ZNF608: variants seen among roughly 807,000 people sequenced by gnomAD.
The protein encoded by ZNF608 is zinc finger protein 608, also known as renal carcinoma antigen NY-REN-36.
A neutral mutation model predicts 109.0 loss-of-function variants in ZNF608; 12 were observed. The observed-to-expected ratio is 0.11, with a 90% confidence interval of 0.07 to 0.18. The LOEUF (loss-of-function observed/expected upper bound fraction) is 0.18. Ranked by LOEUF, ZNF608 falls within the 10% of genes least tolerant of loss-of-function variation. The pLI is 1.00. For synonymous variants in ZNF608, 732 were observed against 717.4 expected (o/e 1.02, Z -0.33); for missense variants, 1,707 against 1,879.3 (o/e 0.91, Z 1.70).
At chr5:124,694,240 G>T (rs977144962) in intron 3 of ZNF608, among the ~76,000 whole-genome samples, 11 of 137,454 alleles carry the variant, frequency 8.0e-5, no homozygotes, top group Non-Finnish European at 1.7e-4. Context: ...TGATCCGCCC[G>T]CCTCGGCCTC....
rs1750120447 is a variant in ZNF608 at position 124,639,162 on chromosome 5, A to G, written c.4503T>C (p.Ser1501=). 3 of 1,614,128 alleles carry G rather than the reference A, an allele frequency of 1.9e-6. No individual in the cohort carries two copies. Among genetic ancestry groups the G allele is most frequent in the Non-Finnish European group, 2.5e-6 (3 of 1,180,040 alleles). The change falls in exon 9 of 10, where the codon TCT becomes TCC. Residue 1501 remains serine, a synonymous_variant. Coordinates refer to ENST00000513986, the MANE Select transcript of ZNF608 (RefSeq NM_020747.3). The part of the protein sequence containing the change: ...VASQQVAAQA[S]ASGMFPGQRR... Reference sequence around the variant, plus strand: ...TTTGTCCAGGAAACATTCCAGATGCAGATGCCTGGGCAGCCACCTGCTGAG... The same window carrying G: ...TTTGTCCAGGAAACATTCCAGATGCGGATGCCTGGGCAGCCACCTGCTGAG...
upstream of ZNF608, among the ~76,000 whole-genome samples, chr5:124,747,379 G>A (rs1053877942): frequency 2.0e-5 from 3 of 151,870 alleles, no homozygotes; most frequent in African/African-American, 7.3e-5. Flanking sequence ...TGATGGATTG[G>A]AAGTGGAGAG....
intron 3 of ZNF608, among the ~76,000 whole-genome samples, chr5:124,677,306 A>G (rs1449780636): frequency 6.6e-6 from 1 of 152,230 alleles, no homozygotes; most frequent in African/African-American, 2.4e-5. Flanking sequence ...AAAACATCTT[A>G]AAACACAAAG....
chr5:124,660,783 C>T (rs375676987), intron 3 of ZNF608, among the ~76,000 whole-genome samples: 5 of 152,308 alleles, frequency 3.3e-5, no homozygotes, highest in African/African-American at 1.2e-4. Context: ...ATATGTACTA[C>T]GGCGTCCTCA....
intron 3 of ZNF608, among the ~76,000 whole-genome samples, chr5:124,658,974 C>T (rs998582506): frequency 2.6e-5 from 4 of 151,962 alleles, no homozygotes; most frequent in Non-Finnish European, 5.9e-5. Context: ...TAGAAGACGG[C>T]TATTACAAGT....
At position 124,644,547 on chromosome 5, in the gene ZNF608, T is replaced by G. The variant is rs1262290829; in HGVS notation, c.3820A>C (p.Thr1274Pro). ...KKLKEDSPRK[T>P]PNKESGVPSL... is the part of the protein sequence containing the mutation. The stretch of plus-strand genomic sequence containing the variant: ...GGCACACCACTCTCTTTATTAGGAG[T>G]TTTCCTCGGACTATCCTCTTTTAAT... Residue 1274 changes from threonine to proline, a missense_variant, in exon 6 of 10, where the codon ACT (threonine) becomes CCT (proline). This residue lies in a region of ZNF608 where 1,073 missense variants were observed against 1,133.5 expected (regional missense o/e 0.95). Coordinates refer to ENST00000513986, the MANE Select transcript of ZNF608 (RefSeq NM_020747.3). The G allele has an allele frequency of 2.5e-6, 4 of 1,613,918 alleles. No homozygotes were observed. The highest frequency in any genetic ancestry group is 3.4e-6 in the Non-Finnish European group (4 of 1,179,998).
chr5:124,638,662 A>C, intron 9 of ZNF608: 1 of 196,308 alleles, frequency 5.1e-6, no homozygotes, highest in Non-Finnish European at 9.5e-6. Flanking sequence ...AATAAACATA[A>C]AGTAATGATA....
intron 8 of ZNF608, among the ~76,000 whole-genome samples, chr5:124,640,140 A>G (rs1383574232): frequency 3.3e-5 from 5 of 152,222 alleles, no homozygotes; most frequent in Non-Finnish European, 4.4e-5. Context: ...TCACATTTGT[A>G]TATCACTTCC....
Position 124,645,398 on chromosome 5 carries a change from T to A in ZNF608, c.3706-737A>T, listed in dbSNP as rs184940249. ...CCTCTGTAAGTGGGGAAACTGAGAA[T>A]CCTAAATGGCCTTTGTGATCCCCAT... is the stretch of plus-strand genomic sequence containing the variant. On this transcript the variant is annotated intron_variant, in intron 5 of 9. Transcript: ENST00000513986. Among the ~76,000 whole-genome samples the A allele has an allele frequency of 3.3e-5, 5 of 152,298 alleles. No individual in the cohort carries two copies. In the East Asian group the frequency reaches 7.7e-4, roughly 24 times the overall value.
At position 124,646,747 on chromosome 5, in the gene ZNF608, C is replaced by G; in HGVS notation, c.3637G>C (p.Val1213Leu). ...MENHQLIKEA[V>L]EMKSVMDSMK... Reference sequence around the variant, plus strand: ...GAGTCCATGACAGACTTCATTTCTACAGCCTCCTTAATAAGCTGGTGGTTT... The same window carrying G: ...GAGTCCATGACAGACTTCATTTCTAGAGCCTCCTTAATAAGCTGGTGGTTT... The change falls in exon 5 of 10, where the codon GTA becomes CTA. Residue 1213 changes from valine to leucine, a missense_variant. By Grantham distance (32) the Val-to-Leu change is conservative. Coordinates refer to ENST00000513986, the MANE Select transcript of ZNF608 (RefSeq NM_020747.3). 6.2e-7 allele frequency: 1 copy of G among 1,614,242 alleles called. No individual in the cohort carries two copies.
rs1188131178 is a variant in ZNF608, at chr5:124,637,862, G to A, written c.*38C>T. 1 of 1,601,762 alleles carries A rather than the reference G, an allele frequency of 6.2e-7. No individual in the cohort carries two copies. The highest frequency in any genetic ancestry group is 8.5e-7 in the Non-Finnish European group (1 of 1,174,472). On this transcript the variant is annotated 3_prime_UTR_variant, in exon 10 of 10. Transcript: ENST00000513986. Reference sequence around the variant, plus strand: ...ATGTCTGTATAAAGCGCTTCCCCATGTGATCCAGTCACATGACAATGTACA... The same window carrying A: ...ATGTCTGTATAAAGCGCTTCCCCATATGATCCAGTCACATGACAATGTACA...
At chr5:124,678,736 C>T (rs1752070763) in intron 3 of ZNF608, among the ~76,000 whole-genome samples, 1 of 152,164 alleles carries the variant, frequency 6.6e-6, no homozygotes, top group African/African-American at 2.4e-5. Flanking sequence ...GAGCCAAAAG[C>T]TTTCCCTCTG....
intron 3 of ZNF608, among the ~76,000 whole-genome samples, chr5:124,692,064 T>C (rs1752649997): frequency 6.6e-6 from 1 of 152,204 alleles, no homozygotes; most frequent in South Asian, 2.1e-4. Flanking sequence ...ATAAAAACCG[T>C]ATTGAGGATA....
intron 2 of ZNF608, among the ~76,000 whole-genome samples, chr5:124,704,408 T>C (rs1753175562): frequency 6.6e-6 from 1 of 152,072 alleles, no homozygotes; most frequent in East Asian, 1.9e-4. Context: ...TTTCTCCCCA[T>C]TCACTGTGAG....
rs767533980 is a variant in ZNF608, at chr5:124,744,631, G to T, written c.359C>A (p.Pro120His). The T allele has an allele frequency of 6.2e-7, 1 of 1,614,208 alleles. No individual in the cohort carries two copies. The highest frequency in any genetic ancestry group is 1.1e-5 in the South Asian group (1 of 91,082). Reference sequence around the variant, plus strand: ...GGGAATCCCATACAAGGCAGCAGAAGGCAGAGATTTATTAGCATCCTTAGA... The same window carrying T: ...GGGAATCCCATACAAGGCAGCAGAATGCAGAGATTTATTAGCATCCTTAGA... ...KTSKDANKSL[P>H]SAALYGIPEI... The change falls in exon 2 of 10, where the codon CCT (proline) becomes CAT (histidine). Residue 120 changes from proline (P) to histidine (H), a missense_variant. Pro to His is a moderately conservative substitution (Grantham distance 77). Coordinates refer to ENST00000513986, the MANE Select transcript of ZNF608 (RefSeq NM_020747.3). The surrounding 1 kb of genome is among the most constrained non-coding windows in gnomAD (Gnocchi z 4.5).
At chr5:124,732,759 C>T (rs1748964152) in intron 2 of ZNF608, among the ~76,000 whole-genome samples, 1 of 151,898 alleles carries the variant, frequency 6.6e-6, no homozygotes, top group Admixed American at 6.6e-5. Flanking sequence ...AAAGCTCTAC[C>T]CCAACCACCC....
chr5:124,644,595 C>T lies in ZNF608; in HGVS notation c.3772G>A (p.Glu1258Lys). The change falls in exon 6 of 10, where the codon GAA (glutamate) becomes AAA (lysine). Residue 1258 changes from glutamate (E) to lysine (K), a missense_variant. Around this residue, in one of 7 missense-constraint regions of ZNF608, gnomAD observed 1,073 missense variants for 1,133.5 expected, o/e 0.95. Transcript: ENST00000513986. Reference protein sequence around the residue: ...QPKYLDQQKSEELDREKKLKE... With the variant: ...QPKYLDQQKSKELDREKKLKE... ...AATTTCTTCTCTCTATCAAGTTCTT[C>T]TGACTTTTGCTGATCCAGATATTTG... 1 of 1,612,198 alleles carries T rather than the reference C, an allele frequency of 6.2e-7. No homozygotes were observed. The highest frequency in any genetic ancestry group is 8.5e-7 in the Non-Finnish European group (1 of 1,179,390).
At position 124,746,291 on chromosome 5, in the gene ZNF608, A is replaced by G. The variant is rs1749638150; in HGVS notation, c.-280T>C. Reference sequence around the variant, plus strand: ...AGCCTGTGCCTCATTTTACTTAAACACCAAATGATCAAGAAGGAAGAAACC... The same window carrying G: ...AGCCTGTGCCTCATTTTACTTAAACGCCAAATGATCAAGAAGGAAGAAACC... On this transcript the variant is annotated 5_prime_UTR_variant, in exon 1 of 10. Coordinates refer to ENST00000513986, the MANE Select transcript of ZNF608 (RefSeq NM_020747.3). 1.0e-6 allele frequency: 1 copy of G among 985,426 alleles called. No homozygotes were observed. 61.0% of individuals were successfully genotyped at this position (985,426 alleles called of 1,614,324 possible).
intron 3 of ZNF608, among the ~76,000 whole-genome samples, chr5:124,660,071 C>G (rs148925546): frequency 4.7e-4 from 71 of 152,222 alleles, no homozygotes; most frequent in Non-Finnish European, 8.5e-4. Flanking sequence ...AGGCCAACAA[C>G]ATTTACTGGA....
Sources: allele counts gnomAD v4.1 joint callset (sites outside exome capture counted in the v4.1 genomes callset), GRCh38; gene constraint gnomAD v4.1.1; regional missense constraint gnomAD v4.1.1; non-coding constraint Gnocchi (gnomAD v3.1); transcripts MANE v1.5; gene names NCBI Gene and HGNC (gene_info 2026-07-23, HGNC 2026-07-21).